PKHD1L1: variants seen among roughly 807,000 people sequenced by gnomAD.
PKHD1L1 encodes PKHD1 like 1.
PKHD1L1 carries 434 observed loss-of-function variants against 462.9 expected under a neutral mutation model. The observed-to-expected ratio is 0.94, with a 90% CI of 0.87 to 1.02. The LOEUF (loss-of-function observed/expected upper bound fraction) is 1.02, where lower values mean the gene tolerates loss of function less well. Ranked by LOEUF, PKHD1L1 falls within the 50% of genes least tolerant of loss-of-function variation. The pLI, the probability that PKHD1L1 is intolerant of heterozygous loss-of-function variation, is 0.00. For missense variants in PKHD1L1, 5,202 were observed against 5,096.1 expected, an observed-to-expected ratio of 1.02 and a Z score of -0.63; for synonymous variants, 1,781 against 1,750.0, an observed-to-expected ratio of 1.02 and a Z score of -0.44.
At position 109,435,261 on chromosome 8, in the gene PKHD1L1, G is replaced by GTCCA; in HGVS notation, c.3413_3414insCCAT (p.Gly1139HisfsTer10). ...CCCCGTTGCTGTGTCCATGGCTGAT[G>GTCCA]TTGGACTAGCACAGAATGTAGGGGG... On this transcript the variant is annotated frameshift_variant, in exon 29 of 78. Coordinates refer to ENST00000378402, the MANE Select transcript of PKHD1L1 (RefSeq NM_177531.6). LOFTEE classifies it high-confidence loss of function. 1 of 1,613,888 alleles carries GTCCA rather than the reference G, an allele frequency of 6.2e-7. No individual in the cohort carries two copies. Among genetic ancestry groups the GTCCA allele is most frequent in the Non-Finnish European group, 8.5e-7 (1 of 1,179,822 alleles).
At chr8:109,415,814 C>T (rs907572625) in intron 21 of PKHD1L1, among the ~76,000 whole-genome samples, 1 of 147,970 alleles carries the variant, frequency 6.8e-6, no homozygotes, top group African/African-American at 2.5e-5. Context: ...TGACACTGCA[C>T]TCCAGCCTGG....
intron 25 of PKHD1L1, among the ~76,000 whole-genome samples, chr8:109,428,047 A>G (rs909104941): frequency 1.5e-5 from 2 of 137,918 alleles, no homozygotes; most frequent in East Asian, 2.2e-4. Context: ...AAAAAAAAAA[A>G]AAAAATGCTT....
intron 28 of PKHD1L1, among the ~76,000 whole-genome samples, chr8:109,433,835 A>G (rs1712128819): frequency 6.6e-6 from 1 of 152,110 alleles, no homozygotes; most frequent in Non-Finnish European, 1.5e-5. Context: ...TCTTTTATGC[A>G]TTGTTAAGCT....
intron 68 of PKHD1L1, among the ~76,000 whole-genome samples, chr8:109,506,336 C>T (rs1221375232): frequency 1.3e-5 from 2 of 152,124 alleles, no homozygotes; most frequent in African/African-American, 4.8e-5. Flanking sequence ...TCCCACCAGC[C>T]TGCAGTCCCT....
rs781636781 is a variant in PKHD1L1, at chr8:109,493,768, A to G, written c.10327+17A>G. 3 of 1,526,292 alleles carry G rather than the reference A, an allele frequency of 2.0e-6. No homozygotes were observed. Among genetic ancestry groups the G allele is most frequent in the South Asian group, 2.4e-5 (2 of 82,194 alleles). The allele number at this position is 1,526,292 out of a possible 1,614,324, so 94.5% of individuals were successfully genotyped here. On this transcript the variant is annotated intron_variant, in intron 63 of 77. Coordinates refer to ENST00000378402, the MANE Select transcript of PKHD1L1 (RefSeq NM_177531.6). ...CTTGCCCAGGTAAGTCTTTTAAACC[A>G]GGAATCGCTAAAACTAGGAAATAAC...
chr8:109,489,145 A>G lies in PKHD1L1; in HGVS notation c.9881-807A>G, dbSNP rs188861803. 2.0e-5 allele frequency among the ~76,000 whole-genome samples: 3 copies of G among 152,074 alleles called. No individual in the cohort carries two copies. In the East Asian group the frequency reaches 5.8e-4, roughly 29 times the overall value. The stretch of plus-strand genomic sequence containing the variant: ...CATGTATAGAAGAATTGCCTCATGG[A>G]TTTTAAGGTAGGCTTTCCTTTCTAG... On this transcript the variant is annotated intron_variant, in intron 59 of 77. Coordinates refer to ENST00000378402, the MANE Select transcript of PKHD1L1 (RefSeq NM_177531.6).
intron 23 of PKHD1L1, among the ~76,000 whole-genome samples, chr8:109,424,065 T>G (rs1472760053): frequency 2.0e-5 from 3 of 152,186 alleles, no homozygotes; most frequent in Non-Finnish European, 2.9e-5. Flanking sequence ...CACACCCAAA[T>G]GAAGATAATC....
intron 77 of PKHD1L1, among the ~76,000 whole-genome samples, chr8:109,528,477 T>C (rs188872557): frequency 8.5e-5 from 13 of 152,268 alleles, no homozygotes; most frequent in African/African-American, 3.1e-4. Context: ...GACTCCCTCC[T>C]TTTACCAAAT....
intron 35 of PKHD1L1, among the ~76,000 whole-genome samples, chr8:109,442,579 A>G (rs1411756499): frequency 1.3e-5 from 2 of 152,198 alleles, no homozygotes; most frequent in African/African-American, 4.8e-5. Flanking sequence ...TCAGTGTAAA[A>G]TGTGCCTTTT....
At chr8:109,490,079 G>T in intron 60 of PKHD1L1, 24 bp downstream of exon 60, 1 of 1,408,972 alleles carries the variant, frequency 7.1e-7, no homozygotes, top group South Asian at 1.4e-5. Context: ...TTTTAATTTT[G>T]TGTATATTAA....
rs1382007185 is a variant in PKHD1L1 at position 109,523,294 on chromosome 8, A to G, written c.12392A>G (p.Asn4131Ser). Reference sequence around the variant, plus strand: ...TTGAGGGCCATACTCAAGGACTCCAATAATAACCAAGTCAATGGCCTTAGT... The same window carrying G: ...TTGAGGGCCATACTCAAGGACTCCAGTAATAACCAAGTCAATGGCCTTAGT... ...LTLRAILKDS[N>S]NNQVNGLSGN... Residue 4131 changes from asparagine (N) to serine (S), a missense_variant, in exon 76 of 78, where the codon AAT (asparagine) becomes AGT (serine). Physicochemically the swap from Asn to Ser is conservative, Grantham distance 46. Around this residue, in one of 3 missense-constraint regions of PKHD1L1, gnomAD observed 698 missense variants for 736.3 expected, o/e 0.95. Coordinates refer to ENST00000378402, the MANE Select transcript of PKHD1L1 (RefSeq NM_177531.6). 17 of 1,612,548 alleles carry G rather than the reference A, an allele frequency of 1.1e-5. No individual in the cohort carries two copies. Among genetic ancestry groups the G allele is most frequent in the Non-Finnish European group, 1.4e-5 (17 of 1,178,826 alleles).
At chr8:109,397,333 C>T (rs1210919679) in intron 11 of PKHD1L1, among the ~76,000 whole-genome samples, 2 of 152,004 alleles carry the variant, frequency 1.3e-5, no homozygotes, top group Non-Finnish European at 2.9e-5. Flanking sequence ...TATACTGTTC[C>T]TATTTCCTTT....
At position 109,454,728 on chromosome 8, in the gene PKHD1L1, AAC is replaced by A; in HGVS notation, c.6752_6753del (p.Thr2251ArgfsTer21). The A allele has an allele frequency of 1.2e-6, 2 of 1,613,618 alleles. No individual in the cohort carries two copies. Among genetic ancestry groups the A allele is most frequent in the Non-Finnish European group, 1.7e-6 (2 of 1,179,700 alleles). The stretch of plus-strand genomic sequence containing the variant: ...ATTTGTGACATCTTTTGCAGATTGG[AAC>A]AGAGACATCCCCATTCCAACACAAG... ...ITDGGVLQIG[T>X]ETSPFQHKAV... On this transcript the variant is annotated frameshift_variant, in exon 45 of 78. Coordinates refer to ENST00000378402, the MANE Select transcript of PKHD1L1 (RefSeq NM_177531.6). LOFTEE classifies it high-confidence loss of function.
In PKHD1L1 at chr8:109,445,385, C is replaced by CT; in HGVS notation, c.5518dup (p.Ser1840PhefsTer29). On this transcript the variant is annotated frameshift_variant, in exon 38 of 78. Transcript: ENST00000378402. LOFTEE classifies it high-confidence loss of function. ...CCCCCAGTAGCATCTCTATCACCAA[C>CT]TTCTGGAAGCATTGGTGGTGGAACT... The CT allele has an allele frequency of 6.2e-7, 1 of 1,613,990 alleles. No homozygotes were observed. Among genetic ancestry groups the CT allele is most frequent in the Non-Finnish European group, 8.5e-7 (1 of 1,179,894 alleles).
chr8:109,460,387 A>G (rs1237625139), intron 47 of PKHD1L1, among the ~76,000 whole-genome samples: 2 of 152,102 alleles, frequency 1.3e-5, no homozygotes, highest in African/African-American at 2.4e-5. Context: ...TAATTCCTAG[A>G]CTGATGATGG....
At chr8:109,420,170 G>C (rs1348979554) in intron 22 of PKHD1L1, among the ~76,000 whole-genome samples, 2 of 152,180 alleles carry the variant, frequency 1.3e-5, no homozygotes, top group Non-Finnish European at 2.9e-5. Context: ...ACCACATTTG[G>C]GGGATGTAGA....
chr8:109,469,404 A>G (rs1586578627), intron 50 of PKHD1L1, among the ~76,000 whole-genome samples: 2 of 152,228 alleles, frequency 1.3e-5, no homozygotes, highest in African/African-American at 4.8e-5. Context: ...GCCCACCAAT[A>G]TCCCCCTACA....
intron 2 of PKHD1L1, among the ~76,000 whole-genome samples, chr8:109,377,683 A>G (rs1214236098): frequency 6.6e-6 from 1 of 152,202 alleles, no homozygotes; most frequent in Non-Finnish European, 1.5e-5. Context: ...AAAGCAGTAA[A>G]ATATATAAAA....
chr8:109,512,223 G>T (rs1820028599), intron 71 of PKHD1L1, among the ~76,000 whole-genome samples: 1 of 151,892 alleles, frequency 6.6e-6, no homozygotes, highest in Admixed American at 6.6e-5. Context: ...GTCAATTTTG[G>T]CTTTTGTTGC....
Sources: gnomAD v4.1 joint callset for allele counts (sites outside exome capture counted in the v4.1 genomes callset) on GRCh38, gnomAD v4.1.1 for gene constraint, gnomAD v4.1.1 regional missense constraint, MANE v1.5 for transcripts, NCBI Gene and HGNC (gene_info 2026-07-23, HGNC 2026-07-21) for gene names.